The following MYOZ3 variants were observed in gnomAD, a reference collection of about 807,000 sequenced individuals.
MYOZ3 encodes the protein myozenin-3.
Under a neutral mutation model 26.5 loss-of-function variants are expected in MYOZ3, and 19 were observed. The ratio of observed to expected loss-of-function variants is 0.72; its 90% CI spans 0.50 to 1.05. MYOZ3 has a LOEUF of 1.05. Ranked by LOEUF, MYOZ3 falls within the 50% of genes least tolerant of loss-of-function variation. The pLI, the probability that MYOZ3 is intolerant of heterozygous loss-of-function variation, is 0.00. For missense variants in MYOZ3, 322 were observed against 337.1 expected (o/e 0.96, Z 0.35); for synonymous variants, 135 against 138.8 (o/e 0.97, Z 0.19).
chr5:150,677,003 A>T lies in MYOZ3; in HGVS notation c.*128A>T. ...AAAACCTGATTGCAAATGGCTTCAG[A>T]GGTCACCAAGTTCAGTCGTCCCAAA... is the stretch of plus-strand genomic sequence containing the variant. On this transcript the variant is annotated 3_prime_UTR_variant, in exon 7 of 7. Coordinates refer to ENST00000517768, the MANE Select transcript of MYOZ3 (RefSeq NM_001122853.3). The T allele has an allele frequency of 1.1e-6, 1 of 901,910 alleles. No homozygotes were observed. 55.9% of individuals were successfully genotyped at this position (901,910 alleles called of 1,614,324 possible).
Sources: allele counts gnomAD v4.1 joint callset, GRCh38; gene constraint gnomAD v4.1.1; transcripts MANE v1.5; gene names NCBI Gene and HGNC (gene_info 2026-07-23, HGNC 2026-07-21).